Variants in ARHGEF28 observed in about 807,000 individuals in gnomAD.
ARHGEF28 encodes the protein Rho guanine nucleotide exchange factor 28.
ARHGEF28 carries 152 observed loss-of-function variants against 206.6 expected under a neutral mutation model. The ratio of observed to expected loss-of-function variants is 0.74; its 90% confidence interval spans 0.64 to 0.84. The LOEUF is 0.84. Ranked by LOEUF, ARHGEF28 falls within the 40% of genes least tolerant of loss-of-function variation. ARHGEF28 has a pLI of 0.00. For missense variants in ARHGEF28, 2,028 were observed against 2,073.2 expected, an observed-to-expected ratio of 0.98 and a Z score of 0.42; for synonymous variants, 763 against 776.4, an observed-to-expected ratio of 0.98 and a Z score of 0.29.
intron 33 of ARHGEF28, 56 bp from the exon 34 acceptor site, chr5:73,909,356 A>C (rs1312521477): frequency 1.3e-6 from 2 of 1,526,594 alleles, no homozygotes; most frequent in East Asian, 4.6e-5. Context: ...CCGAAAGGGT[A>C]AACAATAACC....
At chr5:73,866,685 C>CA (rs1404279998) in intron 18 of ARHGEF28, among the ~76,000 whole-genome samples, 15 of 152,160 alleles carry the variant, frequency 9.9e-5, no homozygotes, top group African/African-American at 3.6e-4. Flanking sequence ...GAAATTTAAG[C>CA]AGTTTCTCTT....
chr5:73,650,583 G>C (rs759132564), intron 1 of ARHGEF28, among the ~76,000 whole-genome samples: 2 of 151,840 alleles, frequency 1.3e-5, no homozygotes, highest in Admixed American at 6.6e-5. Context: ...GCGCCCAGCT[G>C]AGAGATGTTT....
At chr5:73,686,723 C>T (rs955772457) in intron 2 of ARHGEF28, among the ~76,000 whole-genome samples, 9 of 151,776 alleles carry the variant, frequency 5.9e-5, no homozygotes, top group Non-Finnish European at 1.3e-4. Flanking sequence ...AGGGTTTCAC[C>T]GTGTTAGCCA....
At chr5:73,861,361 A>G (rs1759389332) in intron 16 of ARHGEF28, among the ~76,000 whole-genome samples, 1 of 152,246 alleles carries the variant, frequency 6.6e-6, no homozygotes, top group Non-Finnish European at 1.5e-5. Context: ...TATAGAAGTT[A>G]TAAGGTTTAA....
At chr5:73,726,749 C>A (rs1438463997) in intron 2 of ARHGEF28, among the ~76,000 whole-genome samples, 2 of 152,122 alleles carry the variant, frequency 1.3e-5, no homozygotes, top group South Asian at 4.1e-4. Flanking sequence ...TTTATGTGAA[C>A]GAGGCATGTT....
At chr5:73,846,125 A>T (rs1021776988) in intron 11 of ARHGEF28, 143 bp from the exon 12 acceptor site, 1 of 723,998 alleles carries the variant, frequency 1.4e-6, no homozygotes, top group South Asian at 1.9e-5. Flanking sequence ...AAAAAGGCTA[A>T]TTAAATACTA....
At chr5:73,767,562 G>C (rs1421805779) in intron 4 of ARHGEF28, among the ~76,000 whole-genome samples, 1 of 152,110 alleles carries the variant, frequency 6.6e-6, no homozygotes, top group Admixed American at 6.5e-5. Context: ...GTGGAATTTT[G>C]AACTTGAGAG....
intron 26 of ARHGEF28, among the ~76,000 whole-genome samples, chr5:73,890,965 G>A (rs890381679): frequency 6.6e-6 from 1 of 152,248 alleles, no homozygotes; most frequent in Non-Finnish European, 1.5e-5. Flanking sequence ...AGACATTGGA[G>A]GATCACAGTA....
intron 1 of ARHGEF28, among the ~76,000 whole-genome samples, chr5:73,664,838 T>G (rs2112199137): frequency 6.6e-6 from 1 of 152,316 alleles, no homozygotes; most frequent in African/African-American, 2.4e-5. Flanking sequence ...GAACTGTGTT[T>G]TCAACCCTTC....
At chr5:73,783,952 A>G (rs1427745569) in intron 7 of ARHGEF28, among the ~76,000 whole-genome samples, 1 of 152,164 alleles carries the variant, frequency 6.6e-6, no homozygotes, top group Non-Finnish European at 1.5e-5. Flanking sequence ...TTGAATCTAG[A>G]CAATGCTTTT....
At chr5:73,762,488 A>G (rs947145844) in intron 4 of ARHGEF28, among the ~76,000 whole-genome samples, 4 of 151,592 alleles carry the variant, frequency 2.6e-5, no homozygotes, top group Non-Finnish European at 5.9e-5. Context: ...AAACAACAAC[A>G]ACAAAATCTA....
chr5:73,880,508 C>T (rs1278258644), intron 22 of ARHGEF28, among the ~76,000 whole-genome samples: 3 of 152,216 alleles, frequency 2.0e-5, no homozygotes, highest in African/African-American at 7.2e-5. Context: ...AGAAATCACC[C>T]GTCTTCTGCG....
intron 18 of ARHGEF28, among the ~76,000 whole-genome samples, chr5:73,867,660 G>A (rs886949900): frequency 6.6e-6 from 1 of 152,168 alleles, no homozygotes; most frequent in African/African-American, 2.4e-5. Context: ...GTGGAGATGC[G>A]GAAGCAGGCC....
chr5:73,847,108 C>T (rs16870941), intron 12 of ARHGEF28, among the ~76,000 whole-genome samples: 18,420 of 152,078 alleles, frequency 0.12, 1,515 homozygotes, highest in African/African-American at 0.22. Context: ...TGCGTTTGAA[C>T]AGATTTTTTT....
At chr5:73,933,854 A>T (rs1339947699) in intron 35 of ARHGEF28, among the ~76,000 whole-genome samples, 1 of 152,192 alleles carries the variant, frequency 6.6e-6, no homozygotes, top group Non-Finnish European at 1.5e-5. Context: ...ATCTAAAAAA[A>T]AATTAACAGT....
intron 1 of ARHGEF28, among the ~76,000 whole-genome samples, chr5:73,681,052 AT>A (rs200056803): frequency 1.5e-4 from 21 of 142,670 alleles, no homozygotes; most frequent in African/African-American, 2.3e-4. Flanking sequence ...TCTTTCAGCT[AT>A]TTTTTTTTAG....
intron 1 of ARHGEF28, among the ~76,000 whole-genome samples, chr5:73,639,002 A>T (rs1743895982): frequency 6.6e-6 from 1 of 151,838 alleles, no homozygotes; most frequent in Admixed American, 6.6e-5. Flanking sequence ...TAGTGTTTGT[A>T]TGCAAATCTA....
intron 11 of ARHGEF28, among the ~76,000 whole-genome samples, chr5:73,841,171 T>G (rs1261296941): frequency 6.6e-6 from 1 of 152,164 alleles, no homozygotes; most frequent in African/African-American, 2.4e-5. Context: ...TGGAGTATTA[T>G]TATAGCAGCA....
At chr5:73,807,889 C>T (rs1354624463) in intron 9 of ARHGEF28, among the ~76,000 whole-genome samples, 2 of 151,532 alleles carry the variant, frequency 1.3e-5, no homozygotes, top group East Asian at 3.9e-4. Context: ...TTACTATTTT[C>T]CTGCCCTGAG....
Sources: allele counts gnomAD v4.1 joint callset (sites outside exome capture counted in the v4.1 genomes callset), GRCh38; gene constraint gnomAD v4.1.1; transcripts MANE v1.5; gene names NCBI Gene and HGNC (gene_info 2026-07-23, HGNC 2026-07-21).